FHIP2A: variants seen among roughly 807,000 people sequenced by gnomAD.
FHIP2A encodes family with sequence similarity 160 member B1.
A neutral mutation model predicts 93.5 loss-of-function variants in FHIP2A; 46 were observed. The observed-to-expected ratio is 0.49, with a 90% CI of 0.39 to 0.63. The LOEUF (loss-of-function observed/expected upper bound fraction) is 0.63, where lower values mean the gene tolerates loss of function less well. Among genes scored for constraint, FHIP2A ranks in the 20% least tolerant of loss-of-function variants. The pLI is 0.00. For missense variants in FHIP2A, 769 were observed against 909.7 expected (o/e 0.85, Z 1.99); for synonymous variants, 332 against 326.5 (o/e 1.02, Z -0.18).
downstream of FHIP2A, among the ~76,000 whole-genome samples, chr10:114,868,411 A>G (rs1475309807): frequency 6.6e-6 from 1 of 152,162 alleles, no homozygotes; most frequent in East Asian, 1.9e-4. Flanking sequence ...CTCAGGTGGA[A>G]CAGTTGCATC....
intron 5 of FHIP2A, among the ~76,000 whole-genome samples, chr10:114,842,364 T>G (rs2083673873): frequency 6.6e-6 from 1 of 152,152 alleles, no homozygotes; most frequent in Admixed American, 6.6e-5. Flanking sequence ...TGTGCCCAGC[T>G]TCTTGCGTTC....
chr10:114,869,651 A>G (rs1291632758), downstream of FHIP2A, among the ~76,000 whole-genome samples: 1 of 152,222 alleles, frequency 6.6e-6, no homozygotes, highest in Non-Finnish European at 1.5e-5. Context: ...CCATAAAATG[A>G]TCCAATGTCA....
At chr10:114,883,139 TA>T (rs2083925256) in intron 16 of FHIP2A, among the ~76,000 whole-genome samples, 1 of 152,196 alleles carries the variant, frequency 6.6e-6, no homozygotes, top group South Asian at 2.1e-4. Flanking sequence ...CCTTAGAGGT[TA>T]AAGATTTTGG....
intron 15 of FHIP2A, 84 bp downstream of exon 15, chr10:114,860,973 C>A: frequency 7.6e-7 from 1 of 1,316,496 alleles, no homozygotes; most frequent in South Asian, 1.3e-5. Context: ...CAGTTAGTGT[C>A]ACATAATGAA....
intron 4 of FHIP2A, 69 bp from the exon 5 acceptor site, chr10:114,836,055 G>A: frequency 8.1e-7 from 1 of 1,233,978 alleles, no homozygotes; most frequent in Non-Finnish European, 1.1e-6. Context: ...TAAGGTAAAT[G>A]AATGGTTATT....
At chr10:114,875,031 G>A (rs2083877442) in intron 16 of FHIP2A, among the ~76,000 whole-genome samples, 1 of 152,190 alleles carries the variant, frequency 6.6e-6, no homozygotes, top group Admixed American at 6.5e-5. Flanking sequence ...ATCTTCAGCT[G>A]TATCTTGAAA....
chr10:114,874,393 AG>A (rs2083873961), intron 16 of FHIP2A, among the ~76,000 whole-genome samples: 1 of 152,250 alleles, frequency 6.6e-6, no homozygotes, highest in South Asian at 2.1e-4. Context: ...GTAATTAGCT[AG>A]TAACTAGCAC....
intron 16 of FHIP2A, among the ~76,000 whole-genome samples, chr10:114,883,507 G>A (rs2083927135): frequency 6.6e-6 from 1 of 152,020 alleles, no homozygotes; most frequent in South Asian, 2.1e-4. Context: ...GCATCTAATG[G>A]TTCTATACTG....
At chr10:114,866,938 G>A (rs1355204853), downstream of FHIP2A, among the ~76,000 whole-genome samples, 1 of 152,234 alleles carries the variant, frequency 6.6e-6, no homozygotes, top group Non-Finnish European at 1.5e-5. Flanking sequence ...GCCGGGCGCG[G>A]TAGCTCACGC....
intron 16 of FHIP2A, among the ~76,000 whole-genome samples, chr10:114,886,057 C>T (rs1400176499): frequency 6.6e-6 from 1 of 152,212 alleles, no homozygotes; most frequent in Admixed American, 6.5e-5. Flanking sequence ...AGTGTCTCCT[C>T]TAGTGCCTAA....
chr10:114,868,375 A>T (rs368309263), downstream of FHIP2A, among the ~76,000 whole-genome samples: 1 of 152,094 alleles, frequency 6.6e-6, no homozygotes, highest in Non-Finnish European at 1.5e-5. Flanking sequence ...CGCTCCTTAT[A>T]AAAATCTAAC....
At chr10:114,894,057 C>T (rs573487429) in intron 16 of FHIP2A, among the ~76,000 whole-genome samples, 28 of 152,166 alleles carry the variant, frequency 1.8e-4, no homozygotes, top group African/African-American at 6.3e-4. Flanking sequence ...GGAAGACTTT[C>T]TTAAAAAGTC....
downstream of FHIP2A, among the ~76,000 whole-genome samples, chr10:114,867,969 T>C (rs1348185056): frequency 2.7e-5 from 4 of 148,414 alleles, no homozygotes; most frequent in Non-Finnish European, 5.9e-5. Context: ...TGAGACAGGG[T>C]CTTGCTCTGT....
Position 114,881,942 on chromosome 10 carries a change from G to A in FHIP2A, c.2193-17548G>A, listed in dbSNP as rs533383018. Among the ~76,000 whole-genome samples, 22 of 152,318 alleles carry A rather than the reference G, an allele frequency of 1.4e-4. No homozygotes were observed. The East Asian group carries it at 3.1e-3, about 21-fold the overall frequency. On this transcript the variant is annotated intron_variant, in intron 16 of 16. Transcript: ENST00000369250. ...CTTGTGTTTGTGCGTGCACGTGCGC[G>A]TGTGTATGTGTGTCTGTGTGCGTGT... is the stretch of plus-strand genomic sequence containing the variant.
chr10:114,879,773 T>C (rs1258947441), intron 16 of FHIP2A, among the ~76,000 whole-genome samples: 1 of 152,122 alleles, frequency 6.6e-6, no homozygotes, highest in Non-Finnish European at 1.5e-5. Context: ...TTGCCTGGCG[T>C]AATACAAGGC....
At chr10:114,835,678 AT>A in intron 4 of FHIP2A, 37 bp downstream of exon 4, 5 of 1,183,560 alleles carry the variant, frequency 4.2e-6, no homozygotes, top group Non-Finnish European at 6.1e-6. Context: ...ATTTTGTTTG[AT>A]TTCTTTTAAT....
At chr10:114,829,323 A>C in intron 1 of FHIP2A, among the ~76,000 whole-genome samples, 2 of 148,472 alleles carry the variant, frequency 1.3e-5, no homozygotes, top group African/African-American at 5.0e-5. Context: ...GGGATGGCTT[A>C]TTCATGAACT....
chr10:114,872,368 G>T (rs2083864088), intron 16 of FHIP2A, among the ~76,000 whole-genome samples: 2 of 152,092 alleles, frequency 1.3e-5, no homozygotes, highest in African/African-American at 4.8e-5. Flanking sequence ...TAAGAGTCAG[G>T]GAAGTCTATG....
At chr10:114,842,590 A>G (rs2083675328) in intron 5 of FHIP2A, among the ~76,000 whole-genome samples, 1 of 151,988 alleles carries the variant, frequency 6.6e-6, no homozygotes, top group Non-Finnish European at 1.5e-5. Flanking sequence ...ACAGTAGTCC[A>G]GTGATGAGAA....
Sources: gnomAD v4.1 joint callset for allele counts (sites outside exome capture counted in the v4.1 genomes callset) on GRCh38, gnomAD v4.1.1 for gene constraint, MANE v1.5 for transcripts, NCBI Gene and HGNC (gene_info 2026-07-23, HGNC 2026-07-21) for gene names.